TLE4: variants seen among roughly 807,000 people sequenced by gnomAD.
The protein encoded by TLE4 is transducin-like enhancer protein 4.
Under a neutral mutation model 92.8 loss-of-function variants are expected in TLE4, and 8 were observed. The ratio of observed to expected loss-of-function variants is 0.09; its 90% CI spans 0.05 to 0.16. The LOEUF (loss-of-function observed/expected upper bound fraction) is 0.16, where lower values mean the gene tolerates loss of function less well. TLE4 is among the 10% of genes least tolerant of loss of function. TLE4 has a pLI of 1.00. For synonymous variants in TLE4, 371 were observed against 374.1 expected (o/e 0.99, Z 0.10); for missense variants, 675 against 997.6 (o/e 0.68, Z 4.36).
At position 79,708,239 on chromosome 9, in the gene TLE4, T is replaced by G. The variant is rs2072233545; in HGVS notation, c.1058T>G (p.Val353Gly). ...CCTGTACCTGGAAAACCACCAGGAG[T>G]TGACCCTTTGGGTTAGTAAGAAAAA... Reference protein sequence around the residue: ...LRPVPGKPPGVDPLASSLRTP... With the variant: ...LRPVPGKPPGGDPLASSLRTP... The change falls in exon 12 of 20, where the codon GTT becomes GGT. Residue 353 changes from valine (V) to glycine (G), a missense_variant. Val to Gly is a moderately radical substitution (Grantham distance 109). Around this residue, in one of 5 missense-constraint regions of TLE4, gnomAD observed 280 missense variants for 287.3 expected, o/e 0.97. Transcript: ENST00000376552. The G allele has an allele frequency of 5.6e-6, 9 of 1,613,882 alleles. No homozygotes were observed. The highest frequency in any genetic ancestry group is 7.6e-6 in the Non-Finnish European group (9 of 1,179,964).
intron 8 of TLE4, among the ~76,000 whole-genome samples, chr9:79,679,698 A>G (rs968724179): frequency 3.3e-5 from 5 of 152,172 alleles, no homozygotes; most frequent in East Asian, 1.9e-4. Context: ...GCCCATGCCT[A>G]TGTCCTGAAT....
At chr9:79,642,474 C>G (rs2057360761) in intron 6 of TLE4, among the ~76,000 whole-genome samples, 1 of 151,800 alleles carries the variant, frequency 6.6e-6, no homozygotes, top group South Asian at 2.1e-4. Context: ...GAAAGCTTTT[C>G]TGAGTACATT....
intron 11 of TLE4, among the ~76,000 whole-genome samples, chr9:79,707,785 A>G (rs763376226): frequency 1.2e-4 from 19 of 152,196 alleles, no homozygotes; most frequent in Admixed American, 1.2e-3. Context: ...CCAGGAGCCC[A>G]CAGTTACCCC....
chr9:79,669,127 T>C (rs2061857327), intron 8 of TLE4, among the ~76,000 whole-genome samples: 1 of 152,192 alleles, frequency 6.6e-6, no homozygotes, highest in Non-Finnish European at 1.5e-5. Flanking sequence ...TTTTTCTTCC[T>C]TTAAAATGTC....
rs1008646218 is a variant in TLE4, at chr9:79,627,440, A to G, written c.382A>G (p.Ile128Val). Reference sequence around the variant, plus strand: ...GGTGACCATGGCAGAACTGAACGCCATCATTGGGGTACGTGGCCTTTCCAT... The same window carrying G: ...GGTGACCATGGCAGAACTGAACGCCGTCATTGGGGTACGTGGCCTTTCCAT... Reference protein sequence around the residue: ...KQVTMAELNAIIGQQLQAQHL... With the variant: ...KQVTMAELNAVIGQQLQAQHL... Residue 128 changes from isoleucine (I) to valine (V), a missense_variant, in exon 6 of 20, where the codon ATC becomes GTC. Ile to Val is a conservative substitution (Grantham distance 29, BLOSUM62 3). Coordinates refer to ENST00000376552, the MANE Select transcript of TLE4 (RefSeq NM_007005.6). 1.2e-6 allele frequency: 2 copies of G among 1,614,190 alleles called. No individual in the cohort carries two copies. Among genetic ancestry groups the G allele is most frequent in the African/African-American group, 2.7e-5 (2 of 75,050 alleles).
intron 4 of TLE4, among the ~76,000 whole-genome samples, chr9:79,602,335 A>T (rs916202646): frequency 6.6e-6 from 1 of 152,230 alleles, no homozygotes; most frequent in Admixed American, 6.5e-5. Context: ...AGAAGATGCC[A>T]TCTAGGACTT....
Position 79,587,308 on chromosome 9 carries a change from A to G in TLE4, c.252+11131A>G, listed in dbSNP as rs369610483. The stretch of plus-strand genomic sequence containing the variant: ...GGAGGGCCTGGCTTTATGCTGAGCA[A>G]AAAAGGCCTAGATAGGCAATCAGAG... On this transcript the variant is annotated intron_variant, in intron 4 of 19. Transcript: ENST00000376552. 3.4e-4 allele frequency among the ~76,000 whole-genome samples: 52 copies of G among 152,336 alleles called. No homozygotes were observed. In the South Asian group the frequency reaches 9.7e-3, roughly 28 times the overall value.
chr9:79,710,100 C>A (rs1041336253), intron 14 of TLE4, among the ~76,000 whole-genome samples: 1 of 152,186 alleles, frequency 6.6e-6, no homozygotes, highest in Non-Finnish European at 1.5e-5. Flanking sequence ...ATGCTTAGTT[C>A]TGTTTTCAGA....
chr9:79,620,306 T>C (rs1252174961), intron 5 of TLE4, among the ~76,000 whole-genome samples: 1 of 152,246 alleles, frequency 6.6e-6, no homozygotes, highest in Non-Finnish European at 1.5e-5. Context: ...TAGCTACATT[T>C]CAAGTGCTCA....
rs373777781 is a variant in TLE4, at chr9:79,720,216, C to T, written c.1761C>T (p.Pro587=). ...APACYALAIS[P]DSKVCFSCCS... The stretch of plus-strand genomic sequence containing the variant: ...CCTGCTATGCCCTGGCCATCAGCCC[C>T]GATTCCAAGGTCTGCTTCTCATGCT... Residue 587 remains proline (P), a synonymous_variant, in exon 16 of 20, where the codon CCC becomes CCT. Transcript: ENST00000376552. The T allele has an allele frequency of 1.3e-5, 21 of 1,614,068 alleles. No individual in the cohort carries two copies. The highest frequency in any genetic ancestry group is 9.3e-5 in the African/African-American group (7 of 74,926).
intron 6 of TLE4, among the ~76,000 whole-genome samples, chr9:79,645,814 A>G (rs2134033727): frequency 6.6e-6 from 1 of 152,306 alleles, no homozygotes; most frequent in African/African-American, 2.4e-5. Context: ...GTGGCCCATC[A>G]AGGAAATAGG....
chr9:79,688,854 C>T (rs2135474207), intron 8 of TLE4, among the ~76,000 whole-genome samples: 1 of 152,096 alleles, frequency 6.6e-6, no homozygotes, highest in Middle Eastern at 3.4e-3. Flanking sequence ...CCATTGGTTA[C>T]TTGAGCTGCC....
chr9:79,572,855 C>CGCGGGCTCGCCGGGT lies in TLE4; in HGVS notation c.45+23_45+37dup. On this transcript the variant is annotated intron_variant, in intron 1 of 19. Transcript: ENST00000376552. ...CACCCAGTGAGTGCGGGCGGCGGGGCGCGGGCTCGCCGGGTGCTGGGGGAT... is the reference window on the plus strand; with the variant it reads ...CACCCAGTGAGTGCGGGCGGCGGGGCGCGGGCTCGCCGGGTGCGGGCTCGCCGGGTGCTGGGGGAT... 6.3e-7 allele frequency: 1 copy of CGCGGGCTCGCCGGGT among 1,592,478 alleles called. No individual in the cohort carries two copies. Among genetic ancestry groups the CGCGGGCTCGCCGGGT allele is most frequent in the Non-Finnish European group, 8.5e-7 (1 of 1,170,260 alleles).
chr9:79,630,853 A>G (rs559441802), intron 6 of TLE4, among the ~76,000 whole-genome samples: 1 of 152,340 alleles, frequency 6.6e-6, no homozygotes, highest in South Asian at 2.1e-4. Context: ...CACCAAAGAA[A>G]CTACCATTAA....
chr9:79,677,884 G>A (rs1438302519), intron 8 of TLE4, among the ~76,000 whole-genome samples: 2 of 151,976 alleles, frequency 1.3e-5, no homozygotes, highest in Non-Finnish European at 2.9e-5. Context: ...ATCAAACTAT[G>A]GAACTTTAGA....
intron 14 of TLE4, chr9:79,718,188 T>C (rs2074946212): frequency 2.5e-6 from 1 of 407,388 alleles, no homozygotes. Flanking sequence ...TCTTTTTTTT[T>C]TTGGCACATC....
At chr9:79,617,130 A>G (rs549144788) in intron 5 of TLE4, among the ~76,000 whole-genome samples, 5 of 152,214 alleles carry the variant, frequency 3.3e-5, no homozygotes, top group Admixed American at 1.3e-4. Context: ...AGTTCAAGGT[A>G]ATATTTCAAA....
Position 79,598,472 on chromosome 9 carries a change from G to T in TLE4, c.253-14184G>T, listed in dbSNP as rs374058905. Reference sequence around the variant, plus strand: ...TGGGAATGGTCTTACCCTTTTCTCTGCCCCTTTCTCCTTTGTGTGTCAGAC... The same window carrying T: ...TGGGAATGGTCTTACCCTTTTCTCTTCCCCTTTCTCCTTTGTGTGTCAGAC... On this transcript the variant is annotated intron_variant, in intron 4 of 19. Transcript: ENST00000376552. 7.2e-5 allele frequency among the ~76,000 whole-genome samples: 11 copies of T among 152,128 alleles called. No individual in the cohort carries two copies. In the East Asian group the frequency reaches 9.7e-4, roughly 13 times the overall value.
chr9:79,588,135 CGTGTGT>C (rs71364418), intron 4 of TLE4, among the ~76,000 whole-genome samples: 7 of 146,816 alleles, frequency 4.8e-5, no homozygotes, highest in South Asian at 2.2e-4. Flanking sequence ...TTTATCCTTG[CGTGTGT>C]GTGTGTGTGT....
Sources: allele counts gnomAD v4.1 joint callset (sites outside exome capture counted in the v4.1 genomes callset), GRCh38; gene constraint gnomAD v4.1.1; regional missense constraint gnomAD v4.1.1; transcripts MANE v1.5; gene names NCBI Gene and HGNC (gene_info 2026-07-23, HGNC 2026-07-21).